SLA: variants seen among roughly 807,000 people sequenced by gnomAD.
SLA encodes src-like-adapter.
In SLA, 16 loss-of-function variants were observed where a neutral mutation model predicts 30.3. That is an observed-to-expected ratio of 0.53 (90% CI 0.36 to 0.80). The LOEUF (loss-of-function observed/expected upper bound fraction) is 0.80. Ranked by LOEUF, SLA falls within the 30% of genes least tolerant of loss-of-function variation. The pLI is 0.01. For missense variants in SLA, 310 were observed against 345.2 expected (o/e 0.90, Z 0.81); for synonymous variants, 143 against 137.8 (o/e 1.04, Z -0.26).
At chr8:133,098,010 A>G (rs575957780) in intron 1 of SLA, among the ~76,000 whole-genome samples, 1 of 152,238 alleles carries the variant, frequency 6.6e-6, no homozygotes, top group South Asian at 2.1e-4. Flanking sequence ...CTCAGCTTGC[A>G]TCTAGCTAAC....
intron 7 of SLA, 138 bp downstream of exon 7, chr8:133,044,846 A>G: frequency 1.2e-6 from 1 of 810,714 alleles, no homozygotes; most frequent in East Asian, 2.5e-5. Context: ...TTACAGTCTG[A>G]ATTAACGAGA....
intron 1 of SLA, among the ~76,000 whole-genome samples, chr8:133,080,674 G>T (rs917323430): frequency 6.6e-6 from 1 of 152,058 alleles, no homozygotes; most frequent in African/African-American, 2.4e-5. Flanking sequence ...CTCCTTATCA[G>T]CCCCATGGCA....
chr8:133,091,311 C>T (rs1847480881), intron 1 of SLA, among the ~76,000 whole-genome samples: 1 of 152,242 alleles, frequency 6.6e-6, no homozygotes, highest in African/African-American at 2.4e-5. Context: ...GTGAGGTAGA[C>T]ACCACTGTAG....
intron 1 of SLA, chr8:133,094,921 G>A: frequency 7.7e-7 from 1 of 1,302,642 alleles, no homozygotes; most frequent in Non-Finnish European, 1.1e-6. Context: ...GCCCCAGAAT[G>A]GGTCCTGGGA....
chr8:133,061,659 G>A (rs950685775), intron 2 of SLA, among the ~76,000 whole-genome samples: 2 of 152,142 alleles, frequency 1.3e-5, no homozygotes, highest in Non-Finnish European at 2.9e-5. Flanking sequence ...TCCCCCCATC[G>A]GCCTCCAGCC....
chr8:133,065,777 A>G (rs1033198914), intron 2 of SLA, among the ~76,000 whole-genome samples: 1 of 147,808 alleles, frequency 6.8e-6, no homozygotes, highest in African/African-American at 2.7e-5. Context: ...ATAATAAAAT[A>G]AAATAAAATA....
At chr8:133,090,233 G>A (rs1847272768) in intron 1 of SLA, 1 of 152,222 alleles carries the variant, frequency 6.6e-6, no homozygotes, top group Admixed American at 6.5e-5. Context: ...CGTTTCTAGA[G>A]GCCCAGTGGT....
chr8:133,055,595 AG>A (rs1227418478), intron 3 of SLA, among the ~76,000 whole-genome samples: 1 of 152,158 alleles, frequency 6.6e-6, no homozygotes, highest in Non-Finnish European at 1.5e-5. Context: ...TCCGTATGTT[AG>A]TGGGGACAGA....
intron 3 of SLA, among the ~76,000 whole-genome samples, chr8:133,059,445 C>A (rs1587933224): frequency 1.3e-5 from 2 of 152,178 alleles, no homozygotes; most frequent in African/African-American, 4.8e-5. Flanking sequence ...AGGCCTCTGA[C>A]CAGTTGCTGA....
intron 1 of SLA, chr8:133,096,162 A>G: frequency 6.2e-7 from 1 of 1,611,506 alleles, no homozygotes; most frequent in East Asian, 2.2e-5. Flanking sequence ...AAGCAGTGCA[A>G]CTGATTATTC....
chr8:133,094,839 A>T, intron 1 of SLA: 1 of 682,404 alleles, frequency 1.5e-6, no homozygotes, highest in Non-Finnish European at 2.6e-6. Context: ...ACTGAGGCCT[A>T]GAGAGACATC....
At chr8:133,054,244 G>A (rs1840939757) in intron 3 of SLA, among the ~76,000 whole-genome samples, 1 of 152,130 alleles carries the variant, frequency 6.6e-6, no homozygotes, top group Admixed American at 6.5e-5. Flanking sequence ...GAAGAGGAGA[G>A]TTGAGGAAGT....
At chr8:133,096,351 T>C (rs1360857341) in intron 1 of SLA, 7 of 1,614,152 alleles carry the variant, frequency 4.3e-6, no homozygotes, top group Non-Finnish European at 5.9e-6. Context: ...GACGGGCTCA[T>C]CAACAGAGCA....
chr8:133,072,516 T>G (rs565070687), intron 2 of SLA, among the ~76,000 whole-genome samples: 1 of 152,344 alleles, frequency 6.6e-6, no homozygotes, highest in South Asian at 2.1e-4. Context: ...CTTGGGCTGC[T>G]AACAAGAACC....
chr8:133,070,890 T>C (rs1025689727), intron 2 of SLA, among the ~76,000 whole-genome samples: 1 of 152,226 alleles, frequency 6.6e-6, no homozygotes, highest in African/African-American at 2.4e-5. Context: ...ATAAAATCAC[T>C]GGGATGGGTG....
At chr8:133,078,606 G>A (rs1377249718) in intron 1 of SLA, among the ~76,000 whole-genome samples, 1 of 152,188 alleles carries the variant, frequency 6.6e-6, no homozygotes, top group South Asian at 2.1e-4. Flanking sequence ...AATTTTGTTA[G>A]CACTCACTGT....
chr8:133,038,529 C>A lies in SLA; in HGVS notation c.826G>T (p.Asp276Tyr). Residue 276 changes from aspartate to tyrosine, a missense_variant, in exon 9 of 9, where the codon GAC becomes TAC. Transcript: ENST00000338087. ...ACCATTGTGTCTGTTCTTGGCTAGTCCTCAAAGTAAGGTGGTGATGAGAAG... is the reference window on the plus strand; with the variant it reads ...ACCATTGTGTCTGTTCTTGGCTAGTACTCAAAGTAAGGTGGTGATGAGAAG... ...SFFSSPPYFE[D>Y] is the part of the protein sequence containing the mutation. 1 of 1,609,470 alleles carries A rather than the reference C, an allele frequency of 6.2e-7. No individual in the cohort carries two copies. Among genetic ancestry groups the A allele is most frequent in the Non-Finnish European group, 8.5e-7 (1 of 1,175,682 alleles).
intron 3 of SLA, among the ~76,000 whole-genome samples, chr8:133,057,595 C>G (rs1841680643): frequency 6.6e-6 from 1 of 152,122 alleles, no homozygotes; most frequent in African/African-American, 2.4e-5. Context: ...CCGAGTGACT[C>G]ACCTAAAGTC....
chr8:133,094,193 A>T (rs1165130856), intron 1 of SLA, among the ~76,000 whole-genome samples: 1 of 151,288 alleles, frequency 6.6e-6, no homozygotes, highest in African/African-American at 2.4e-5. Context: ...ACTTCCTGGA[A>T]CCCAGCTCCT....
Sources: allele counts gnomAD v4.1 joint callset (sites outside exome capture counted in the v4.1 genomes callset), GRCh38; gene constraint gnomAD v4.1.1; transcripts MANE v1.5; gene names NCBI Gene and HGNC (gene_info 2026-07-23, HGNC 2026-07-21).